Variants in CYP2B6 observed in about 807,000 individuals in gnomAD.
CYP2B6 encodes the protein cytochrome P450 family 2 subfamily B member 6, also known as cytochrome P450 2B6.
In CYP2B6, 35 loss-of-function variants were observed where a neutral mutation model predicts 43.4. The ratio of observed to expected loss-of-function variants is 0.81; its 90% CI spans 0.62 to 1.07. The LOEUF is 1.07. Ranked by LOEUF, CYP2B6 falls within the 50% of genes least tolerant of loss-of-function variation. CYP2B6 has a pLI of 0.00. For synonymous variants in CYP2B6, 239 were observed against 239.2 expected (o/e 1.00, Z 0.01); for missense variants, 624 against 632.8 (o/e 0.99, Z 0.15).
At chr19:41,001,959 A>G (rs558759045) in intron 1 of CYP2B6, among the ~76,000 whole-genome samples, 203 of 151,930 alleles carry the variant, frequency 1.3e-3, no homozygotes, top group African/African-American at 4.7e-3. Flanking sequence ...TTCTGAGCAG[A>G]GACAATGAAA....
intron 5 of CYP2B6, 116 bp downstream of exon 5, chr19:41,009,511 T>C (rs1029571652): frequency 4.6e-5 from 55 of 1,203,870 alleles, no homozygotes; most frequent in Admixed American, 8.0e-5. Context: ...GAAGAAAGAC[T>C]AGGGAGGGGA....
chr19:40,995,216 G>A (rs117398851), intron 1 of CYP2B6, among the ~76,000 whole-genome samples: 1,864 of 152,242 alleles, frequency 0.012, 23 homozygotes, highest in Non-Finnish European at 0.02. Context: ...TCTTGGAAAA[G>A]CTGTCCGCAT....
At chr19:41,007,674 G>A (rs767693419) in intron 4 of CYP2B6, 1 of 152,514 alleles carries the variant, frequency 6.6e-6, no homozygotes, top group Admixed American at 6.5e-5. Context: ...TGCCTAGGCT[G>A]GAGTGCAGTG....
chr19:40,995,910 A>G lies in CYP2B6; in HGVS notation c.171+4434A>G, dbSNP rs567183178. On this transcript the variant is annotated intron_variant, in intron 1 of 8. Transcript: ENST00000324071. The stretch of plus-strand genomic sequence containing the variant: ...CGGTTCAGCCAGACATACATCCAGA[A>G]AGTCTGAGCCCCGAACAAAGGCTTT... 1.8e-3 allele frequency among the ~76,000 whole-genome samples: 268 copies of G among 152,278 alleles called. 1 individual carries two copies. The highest frequency in any genetic ancestry group is 2.7e-3 in the Non-Finnish European group (182 of 68,042).
chr19:40,994,069 C>T (rs1228614177), intron 1 of CYP2B6, among the ~76,000 whole-genome samples: 1 of 152,078 alleles, frequency 6.6e-6, no homozygotes, highest in Non-Finnish European at 1.5e-5. Context: ...AACTGTCACC[C>T]AAATACCACC....
At chr19:41,000,357 T>G (rs1969065788) in intron 1 of CYP2B6, among the ~76,000 whole-genome samples, 1 of 152,152 alleles carries the variant, frequency 6.6e-6, no homozygotes, top group Non-Finnish European at 1.5e-5. Flanking sequence ...CTGAACATAG[T>G]ACCTGGTACA....
intron 6 of CYP2B6, 90 bp from the exon 7 acceptor site, chr19:41,012,208 C>A: frequency 7.6e-7 from 1 of 1,310,412 alleles, no homozygotes; most frequent in Non-Finnish European, 1.1e-6. Flanking sequence ...CCTCAACCTC[C>A]AAAATTGCTG....
chr19:40,991,847 C>G (rs1968924177), intron 1 of CYP2B6, among the ~76,000 whole-genome samples: 2 of 151,966 alleles, frequency 1.3e-5, no homozygotes, highest in Admixed American at 1.3e-4. Flanking sequence ...CAGTTTGCAG[C>G]CTGTGTGGAC....
At chr19:41,006,635 T>C (rs1249059683) in intron 3 of CYP2B6, among the ~76,000 whole-genome samples, 1 of 152,020 alleles carries the variant, frequency 6.6e-6, no homozygotes, top group Admixed American at 6.6e-5. Flanking sequence ...GCCTCAGTAA[T>C]GAGTAGCTGT....
chr19:40,994,192 C>T (rs1968965228), intron 1 of CYP2B6, among the ~76,000 whole-genome samples: 3 of 152,040 alleles, frequency 2.0e-5, no homozygotes, highest in African/African-American at 4.8e-5. Context: ...TGGCTTTTAA[C>T]TATGGGAGGT....
intron 8 of CYP2B6, among the ~76,000 whole-genome samples, chr19:41,015,914 G>A (rs1266419396): frequency 1.3e-5 from 2 of 152,006 alleles, no homozygotes; most frequent in Non-Finnish European, 2.9e-5. Context: ...AGAGCCCTTT[G>A]AGGGAGGTGC....
intron 8 of CYP2B6, 69 bp from the exon 9 acceptor site, chr19:41,016,577 T>G: frequency 6.4e-7 from 1 of 1,553,744 alleles, no homozygotes; most frequent in Non-Finnish European, 8.9e-7. Context: ...TGTCTGGGCT[T>G]AGGGACATGG....
intron 6 of CYP2B6, among the ~76,000 whole-genome samples, chr19:41,010,407 T>G (rs988450998): frequency 6.8e-6 from 1 of 147,680 alleles, no homozygotes; most frequent in African/African-American, 2.6e-5. Flanking sequence ...TTTTGTTTTT[T>G]GGTTTTTTTT....
rs188066595 is a variant in CYP2B6 at position 41,017,579 on chromosome 19, C to T, written c.*752C>T. On this transcript the variant is annotated 3_prime_UTR_variant, in exon 9 of 9. Transcript: ENST00000324071. The stretch of plus-strand genomic sequence containing the variant: ...CCACATCCTGGGTTCAAGTGATTCT[C>T]CTGCCTCAGCCTCTGGAGGAGCTGG... 201 of 152,220 alleles carry T rather than the reference C, an allele frequency of 1.3e-3. No individual in the cohort carries two copies. Among genetic ancestry groups the T allele is most frequent in the African/African-American group, 4.6e-3 (191 of 41,526 alleles). 9.4% of individuals were successfully genotyped at this position (152,220 alleles called of 1,614,324 possible).
Position 41,004,164 on chromosome 19 carries a change from G to A in CYP2B6, c.334+1G>A. 7.2e-7 allele frequency: 1 copy of A among 1,398,080 alleles called. No individual in the cohort carries two copies. Among genetic ancestry groups the A allele is most frequent in the Non-Finnish European group, 9.9e-7 (1 of 1,012,190 alleles). 86.6% of individuals were successfully genotyped at this position (1,398,080 alleles called of 1,614,324 possible). A position where few individuals can be genotyped will look rare whatever the true frequency, so the allele number is the denominator to read the frequency against. ...GTCGACCCATTCTTCCGGGGATATG[G>A]TGAGAGCCTCAGAGGCACTGGGAGG... On this transcript the variant is annotated splice_donor_variant, in intron 2 of 8. Coordinates refer to ENST00000324071, the MANE Select transcript of CYP2B6 (RefSeq NM_000767.5). LOFTEE classifies it high-confidence loss of function.
At chr19:40,992,645 A>C (rs1467991103) in intron 1 of CYP2B6, among the ~76,000 whole-genome samples, 1 of 151,898 alleles carries the variant, frequency 6.6e-6, no homozygotes, top group Non-Finnish European at 1.5e-5. Context: ...TCAGCCCCCC[A>C]AGTAGCTGGA....
intron 7 of CYP2B6, 59 bp downstream of exon 7, chr19:41,012,544 C>A: frequency 1.2e-6 from 2 of 1,610,624 alleles, no homozygotes; most frequent in South Asian, 1.1e-5. Context: ...TCTCTTAATC[C>A]CCGAACTCAA....
chr19:41,013,298 CA>C lies in CYP2B6; in HGVS notation c.1294+485del, dbSNP rs1276231508. On this transcript the variant is annotated intron_variant, in intron 8 of 8. Transcript: ENST00000324071. Reference sequence around the variant, plus strand: ...CTGCCTGGCACAAAGGACATGCTCACAAGGGCAATTATTATTATAATTAGAC... The same window carrying C: ...CTGCCTGGCACAAAGGACATGCTCACAGGGCAATTATTATTATAATTAGAC... 3.3e-5 allele frequency among the ~76,000 whole-genome samples: 5 copies of C among 152,298 alleles called. No individual in the cohort carries two copies. The East Asian group carries it at 9.6e-4, about 29-fold the overall frequency.
intron 1 of CYP2B6, among the ~76,000 whole-genome samples, chr19:40,999,404 G>T (rs1023203161): frequency 6.6e-6 from 1 of 151,774 alleles, no homozygotes; most frequent in African/African-American, 2.4e-5. Context: ...TTCTTTTGCT[G>T]TGCAGAAGCT....
Sources: allele counts gnomAD v4.1 joint callset (sites outside exome capture counted in the v4.1 genomes callset), GRCh38; gene constraint gnomAD v4.1.1; transcripts MANE v1.5; gene names NCBI Gene and HGNC (gene_info 2026-07-23, HGNC 2026-07-21).